The following ZDHHC21 variants were observed in gnomAD, a reference collection of about 807,000 sequenced individuals.
ZDHHC21 encodes the protein palmitoyltransferase ZDHHC21.
Under a neutral mutation model 34.6 loss-of-function variants are expected in ZDHHC21, and 15 were observed. The ratio of observed to expected loss-of-function variants is 0.43; its 90% CI spans 0.29 to 0.67. ZDHHC21 has a LOEUF of 0.67. Among genes scored for constraint, ZDHHC21 ranks in the 30% least tolerant of loss-of-function variants. The pLI, the probability that ZDHHC21 is intolerant of heterozygous loss-of-function variation, is 0.14. For missense variants in ZDHHC21, 344 were observed against 327.7 expected, an observed-to-expected ratio of 1.05 and a Z score of -0.38; for synonymous variants, 142 against 101.8, an observed-to-expected ratio of 1.40 and a Z score of -2.38.
intron 7 of ZDHHC21, among the ~76,000 whole-genome samples, chr9:14,640,310 A>G (rs1245110069): frequency 4.3e-5 from 6 of 140,714 alleles, no homozygotes; most frequent in African/African-American, 1.6e-4. Context: ...ATTTTGGGGA[A>G]AAAAAAAAAA....
intron 8 of ZDHHC21, among the ~76,000 whole-genome samples, chr9:14,631,836 G>A (rs1055336955): frequency 6.6e-5 from 10 of 152,070 alleles, no homozygotes; most frequent in South Asian, 2.1e-4. Context: ...CCATTTATAC[G>A]GGCGCAGTTT....
chr9:14,684,046 G>A lies in ZDHHC21; in HGVS notation c.-175-3884C>T, dbSNP rs547692700. Among the ~76,000 whole-genome samples, 7 of 152,212 alleles carry A rather than the reference G, an allele frequency of 4.6e-5. No individual in the cohort carries two copies. The South Asian group carries it at 6.2e-4, about 14-fold the overall frequency. ...TTAATAAATTAGGTATTGAAGGGAC[G>A]TACCTCAAAATAATCAGAGCTATTT... On this transcript the variant is annotated intron_variant, in intron 2 of 9. Coordinates refer to ENST00000380916, the MANE Select transcript of ZDHHC21 (RefSeq NM_178566.6).
At chr9:14,623,110 C>G (rs1362721205) in intron 8 of ZDHHC21, among the ~76,000 whole-genome samples, 15 of 150,662 alleles carry the variant, frequency 1.0e-4, no homozygotes, top group African/African-American at 3.7e-4. Flanking sequence ...AGGACATTGC[C>G]TGGATAAGGA....
chr9:14,633,753 C>A (rs1827784416), intron 8 of ZDHHC21, among the ~76,000 whole-genome samples: 1 of 152,276 alleles, frequency 6.6e-6, no homozygotes, highest in Non-Finnish European at 1.5e-5. Context: ...AATGTCAAAC[C>A]CCCACCCACA....
chr9:14,635,681 G>C (rs1828166343), intron 8 of ZDHHC21, among the ~76,000 whole-genome samples: 1 of 152,170 alleles, frequency 6.6e-6, no homozygotes, highest in South Asian at 2.1e-4. Context: ...ATGCTTAAGA[G>C]AGTCCTACAC....
chr9:14,629,393 G>C (rs980745221), intron 8 of ZDHHC21, among the ~76,000 whole-genome samples: 1 of 152,138 alleles, frequency 6.6e-6, no homozygotes, highest in Admixed American at 6.5e-5. Context: ...AGGGAAGAGA[G>C]TCAGAATCAA....
intron 5 of ZDHHC21, among the ~76,000 whole-genome samples, chr9:14,665,644 G>C (rs1157814209): frequency 7.2e-6 from 1 of 139,692 alleles, no homozygotes; most frequent in Non-Finnish European, 1.6e-5. Flanking sequence ...ACTAACAGCG[G>C]ATCTCTCGGC....
chr9:14,631,407 T>C (rs894555156), intron 8 of ZDHHC21, among the ~76,000 whole-genome samples: 1 of 152,232 alleles, frequency 6.6e-6, no homozygotes, highest in Non-Finnish European at 1.5e-5. Flanking sequence ...TAATGGAATG[T>C]TGTGGCTTGT....
rs941556523 is a variant in ZDHHC21 at position 14,613,561 on chromosome 9, C to T, written c.*5405G>A. 3 of 151,842 alleles carry T rather than the reference C, an allele frequency of 2.0e-5. No homozygotes were observed. Among genetic ancestry groups the T allele is most frequent in the Non-Finnish European group, 4.4e-5 (3 of 67,802 alleles). 9.4% of individuals were successfully genotyped at this position (151,842 alleles called of 1,614,324 possible). On this transcript the variant is annotated 3_prime_UTR_variant, in exon 10 of 10. Coordinates refer to ENST00000380916, the MANE Select transcript of ZDHHC21 (RefSeq NM_178566.6). ...AAAAAAGCCCACAACTTCTGTTAAGCTATTTTGTCCGCATCTTTGTTTATA... is the reference window on the plus strand; with the variant it reads ...AAAAAAGCCCACAACTTCTGTTAAGTTATTTTGTCCGCATCTTTGTTTATA...
the ZDHHC21 span, among the ~76,000 whole-genome samples, chr9:14,592,665 G>T: frequency 1.3e-5 from 2 of 152,080 alleles, no homozygotes; most frequent in African/African-American, 2.4e-5. Flanking sequence ...TCAACCAACT[G>T]CCCTAACTGA....
intron 3 of ZDHHC21, among the ~76,000 whole-genome samples, chr9:14,675,809 A>G (rs1836271391): frequency 1.3e-5 from 2 of 151,998 alleles, no homozygotes; most frequent in Non-Finnish European, 2.9e-5. Context: ...ATCAAGTAAG[A>G]CTTACTGTAA....
the ZDHHC21 span, among the ~76,000 whole-genome samples, chr9:14,591,750 T>C: frequency 3.9e-5 from 6 of 152,120 alleles, no homozygotes; most frequent in Non-Finnish European, 7.4e-5. Context: ...AAATACTTCA[T>C]GAAACAGTAA....
At position 14,627,797 on chromosome 9, in the gene ZDHHC21, C is replaced by T. The variant is rs545131081; in HGVS notation, c.622-8115G>A. ...ACTGAGAACATGACAAATACAATCACCCAGCACTATTAGTATTGGTGCTCA... is the reference window on the plus strand; with the variant it reads ...ACTGAGAACATGACAAATACAATCATCCAGCACTATTAGTATTGGTGCTCA... On this transcript the variant is annotated intron_variant, in intron 8 of 9. Coordinates refer to ENST00000380916, the MANE Select transcript of ZDHHC21 (RefSeq NM_178566.6). Among the ~76,000 whole-genome samples the T allele has an allele frequency of 8.9e-4, 136 of 152,246 alleles. No individual in the cohort carries two copies. The South Asian group carries it at 0.013, about 14-fold the overall frequency.
chr9:14,689,128 A>C (rs1158571116), intron 2 of ZDHHC21, among the ~76,000 whole-genome samples: 1 of 152,212 alleles, frequency 6.6e-6, no homozygotes, highest in Non-Finnish European at 1.5e-5. Context: ...TAGTCAAAAA[A>C]ACTTCAAATA....
At chr9:14,684,005 T>C (rs548515789) in intron 2 of ZDHHC21, among the ~76,000 whole-genome samples, 1 of 152,228 alleles carries the variant, frequency 6.6e-6, no homozygotes, top group South Asian at 2.1e-4. Flanking sequence ...TCAACAGCCC[T>C]TCATGCTATA....
intron 7 of ZDHHC21, among the ~76,000 whole-genome samples, chr9:14,641,915 GCACGGTTTTA>G (rs1829448076): frequency 6.6e-6 from 1 of 152,090 alleles, no homozygotes; most frequent in African/African-American, 2.4e-5. Flanking sequence ...TGGTTTTAAT[GCACGGTTTTA>G]CACAGTGAGG....
chr9:14,626,537 C>A (rs1448513228), intron 8 of ZDHHC21, among the ~76,000 whole-genome samples: 1 of 151,810 alleles, frequency 6.6e-6, no homozygotes, highest in Non-Finnish European at 1.5e-5. Context: ...CAGTTTATTA[C>A]ACTGAGCAAA....
chr9:14,684,052 C>T (rs183787553), intron 2 of ZDHHC21, among the ~76,000 whole-genome samples: 4 of 152,302 alleles, frequency 2.6e-5, no homozygotes, highest in Admixed American at 2.0e-4. Context: ...GGACGTACCT[C>T]AAAATAATCA....
chr9:14,602,043 T>C, the ZDHHC21 span, among the ~76,000 whole-genome samples: 1 of 151,984 alleles, frequency 6.6e-6, no homozygotes, highest in Non-Finnish European at 1.5e-5. Flanking sequence ...AAATACCTAA[T>C]GTAGGTGACG....
Sources: allele counts gnomAD v4.1 joint callset (sites outside exome capture counted in the v4.1 genomes callset), GRCh38; gene constraint gnomAD v4.1.1; transcripts MANE v1.5; gene names NCBI Gene and HGNC (gene_info 2026-07-23, HGNC 2026-07-21).